RGS20: variants seen among roughly 807,000 people sequenced by gnomAD.
RGS20 encodes gz-selective GTPase-activating protein.
A neutral mutation model predicts 33.6 loss-of-function variants in RGS20; 30 were observed. The observed-to-expected ratio is 0.89, with a 90% CI of 0.67 to 1.21. The LOEUF (loss-of-function observed/expected upper bound fraction) is 1.21, where lower values mean the gene tolerates loss of function less well. RGS20 is among the 50% of genes most tolerant of loss of function. The pLI, the probability that RGS20 is intolerant of heterozygous loss-of-function variation, is 0.00. For missense variants in RGS20, 472 were observed against 502.4 expected (o/e 0.94, Z 0.58); for synonymous variants, 208 against 197.9 (o/e 1.05, Z -0.43).
In RGS20 at chr8:53,851,852, T is replaced by G. The variant is rs2130569192; in HGVS notation, c.-48T>G. The G allele has an allele frequency of 6.3e-7, 1 of 1,593,710 alleles. No homozygotes were observed. The highest frequency in any genetic ancestry group is 2.2e-5 in the East Asian group (1 of 44,726). On this transcript the variant is annotated 5_prime_UTR_variant, in exon 1 of 6. Transcript: ENST00000297313. The stretch of plus-strand genomic sequence containing the variant: ...AGCAGAGTGGATCCTGTGCTAATAT[T>G]GGGAAAACCAGGCAACAGGACTCAT...
chr8:53,939,834 A>C, intron 3 of RGS20, 110 bp downstream of exon 2: 1 of 1,330,564 alleles, frequency 7.5e-7, no homozygotes, highest in Non-Finnish European at 1.0e-6. Context: ...TTAATTCAAT[A>C]AGTGTTTTTT....
intron 2 of RGS20, among the ~76,000 whole-genome samples, chr8:53,896,284 A>C (rs568607446): frequency 3.4e-4 from 51 of 152,192 alleles, no homozygotes; most frequent in East Asian, 2.5e-3. Context: ...TGTCCCCCCC[A>C]AAAAAAGAAG....
chr8:53,901,153 C>T (rs1486752261), intron 2 of RGS20, among the ~76,000 whole-genome samples: 8 of 151,436 alleles, frequency 5.3e-5, no homozygotes, highest in South Asian at 4.2e-4. Context: ...CTACAACCTC[C>T]GCCTTGCAAG....
In RGS20 at chr8:53,937,364, C is replaced by T. The variant is rs188173261; in HGVS notation, c.511-2212C>T. On this transcript the variant is annotated intron_variant, in intron 2 of 5. Transcript: ENST00000297313. The stretch of plus-strand genomic sequence containing the variant: ...ACTGAAATTGGACCCCTTCCTTACA[C>T]CTTATACAAAAGTTAAATCAAGATG... 5.5e-4 allele frequency among the ~76,000 whole-genome samples: 84 copies of T among 151,852 alleles called. 1 individual carries two copies. The highest frequency in any genetic ancestry group is 1.8e-3 in the African/African-American group (75 of 41,484).
chr8:53,907,137 G>A lies in RGS20; in HGVS notation c.510+27535G>A, dbSNP rs528590371. Among the ~76,000 whole-genome samples, 6 of 152,230 alleles carry A rather than the reference G, an allele frequency of 3.9e-5. No homozygotes were observed. In the South Asian group the frequency reaches 8.3e-4, roughly 21 times the overall value. Reference sequence around the variant, plus strand: ...GGAGAAGCAATGGAGCTAAGTGGCCGGGTGGCTTGGTATCAGAGCTGCCTT... The same window carrying A: ...GGAGAAGCAATGGAGCTAAGTGGCCAGGTGGCTTGGTATCAGAGCTGCCTT... On this transcript the variant is annotated intron_variant, in intron 2 of 5. Coordinates refer to ENST00000297313, the MANE Select transcript of RGS20 (RefSeq NM_170587.4).
intron 2 of RGS20, among the ~76,000 whole-genome samples, chr8:53,919,352 T>C (rs1477379230): frequency 6.6e-6 from 1 of 151,870 alleles, no homozygotes; most frequent in East Asian, 1.9e-4. Flanking sequence ...TTCACTTTTT[T>C]TTTTTTTTTG....
chr8:53,946,907 C>T (rs1405369373), intron 4 of RGS20, among the ~76,000 whole-genome samples, 159 bp downstream of exon 3: 1 of 151,854 alleles, frequency 6.6e-6, no homozygotes, highest in Non-Finnish European at 1.5e-5. Context: ...CTGCAGAATT[C>T]CATTTAATTC....
At chr8:53,923,554 C>T (rs1813708942) in intron 2 of RGS20, among the ~76,000 whole-genome samples, 1 of 151,558 alleles carries the variant, frequency 6.6e-6, no homozygotes, top group Non-Finnish European at 1.5e-5. Flanking sequence ...AAAATCACGC[C>T]ACTGAACTCC....
At chr8:53,858,592 G>A (rs947140981) in intron 1 of RGS20, among the ~76,000 whole-genome samples, 1 of 151,754 alleles carries the variant, frequency 6.6e-6, no homozygotes. Context: ...ATATACATTG[G>A]CTTGAAAAAA....
chr8:53,904,497 T>A (rs1813113615), intron 2 of RGS20, among the ~76,000 whole-genome samples: 1 of 152,214 alleles, frequency 6.6e-6, no homozygotes, highest in Admixed American at 6.5e-5. Context: ...TTTCTATAAT[T>A]TGCAATAACT....
intron 2 of RGS20, among the ~76,000 whole-genome samples, chr8:53,935,956 A>G (rs202025521): frequency 6.6e-6 from 1 of 152,270 alleles, no homozygotes; most frequent in Non-Finnish European, 1.5e-5. Context: ...ATGCAAATCA[A>G]TAAACATAAT....
chr8:53,931,931 C>T (rs1370705379), intron 2 of RGS20, among the ~76,000 whole-genome samples: 3 of 152,140 alleles, frequency 2.0e-5, no homozygotes, highest in Non-Finnish European at 2.9e-5. Flanking sequence ...TCCTCTGATG[C>T]CTACACCACT....
chr8:53,952,969 T>G lies in RGS20; in HGVS notation c.744-1107T>G, dbSNP rs117534796. Among the ~76,000 whole-genome samples the G allele has an allele frequency of 2.0e-4, 31 of 152,202 alleles. 1 individual carries two copies. In the East Asian group the frequency reaches 5.6e-3, roughly 28 times the overall value. Reference sequence around the variant, plus strand: ...GTAGCAAGTAGAAGTAGCACGAAAATAAATGCAACATTATCAGTGCTGTTC... The same window carrying G: ...GTAGCAAGTAGAAGTAGCACGAAAAGAAATGCAACATTATCAGTGCTGTTC... On this transcript the variant is annotated intron_variant, in intron 4 of 5. Coordinates refer to ENST00000297313, the MANE Select transcript of RGS20 (RefSeq NM_170587.4).
intron 2 of RGS20, among the ~76,000 whole-genome samples, chr8:53,922,776 T>C (rs571196485): frequency 6.6e-6 from 1 of 152,262 alleles, no homozygotes; most frequent in South Asian, 2.1e-4. Context: ...TCCTCCTGCC[T>C]CAGCCTCCCA....
intron 1 of RGS20, among the ~76,000 whole-genome samples, chr8:53,858,501 T>TATAC (rs1554516812): frequency 6.6e-6 from 1 of 151,382 alleles, no homozygotes; most frequent in African/African-American, 2.4e-5. Context: ...TATATATATA[T>TATAC]ACACACACAC....
intron 1 of RGS20, among the ~76,000 whole-genome samples, chr8:53,870,159 C>T (rs748506700): frequency 6.6e-6 from 1 of 152,116 alleles, no homozygotes; most frequent in Non-Finnish European, 1.5e-5. Context: ...CTTTTCCAAC[C>T]ACCATTCTCT....
At chr8:53,856,514 C>T (rs940233439) in intron 1 of RGS20, among the ~76,000 whole-genome samples, 4 of 152,072 alleles carry the variant, frequency 2.6e-5, no homozygotes, top group Non-Finnish European at 5.9e-5. Context: ...CCACCGTGCC[C>T]GGCTGATCAG....
chr8:53,946,031 C>A (rs940049337), intron 3 of RGS20, among the ~76,000 whole-genome samples: 2 of 152,094 alleles, frequency 1.3e-5, no homozygotes, highest in Non-Finnish European at 2.9e-5. Context: ...AAAACAAACT[C>A]TTTAGAGAAA....
At chr8:53,897,275 G>C (rs949702235) in intron 2 of RGS20, among the ~76,000 whole-genome samples, 21 of 152,212 alleles carry the variant, frequency 1.4e-4, no homozygotes, top group Admixed American at 1.3e-3. Flanking sequence ...AGCACAAGCA[G>C]ACTGGGCTAG....
Sources: gnomAD v4.1 joint callset for allele counts (sites outside exome capture counted in the v4.1 genomes callset) on GRCh38, gnomAD v4.1.1 for gene constraint, MANE v1.5 for transcripts, NCBI Gene and HGNC (gene_info 2026-07-23, HGNC 2026-07-21) for gene names.